Variants in PRMT8 observed in about 807,000 individuals in gnomAD.
The protein encoded by PRMT8 is protein arginine methyltransferase 8, also known as protein arginine N-methyltransferase 8.
In PRMT8, 7 loss-of-function variants were observed where a neutral mutation model predicts 47.1. That is an observed-to-expected ratio of 0.15 (90% CI 0.08 to 0.28). The LOEUF is 0.28. PRMT8 is among the 10% of genes least tolerant of loss of function. The pLI is 1.00. For synonymous variants in PRMT8, 188 were observed against 186.5 expected (o/e 1.01, Z -0.07); for missense variants, 237 against 505.4 (o/e 0.47, Z 5.09).
intron 1 of PRMT8, among the ~76,000 whole-genome samples, chr12:3,397,477 G>C (rs532994915): frequency 6.6e-6 from 1 of 150,544 alleles, no homozygotes; most frequent in East Asian, 2.0e-4. Context: ...GCCCTGTGAG[G>C]TGTCAGTCTG....
intron 1 of PRMT8, among the ~76,000 whole-genome samples, chr12:3,433,231 C>T (rs1233156935): frequency 6.6e-6 from 1 of 152,196 alleles, no homozygotes; most frequent in Non-Finnish European, 1.5e-5. Context: ...AGTTAGCCTC[C>T]TGTGAATTCA....
intron 1 of PRMT8, among the ~76,000 whole-genome samples, chr12:3,386,511 A>T (rs950176224): frequency 7.2e-5 from 11 of 152,138 alleles, no homozygotes; most frequent in Non-Finnish European, 1.6e-4. Flanking sequence ...GCCATGTGGA[A>T]TTGGTCATTC....
chr12:3,589,948 G>T (rs1473450180), intron 8 of PRMT8, among the ~76,000 whole-genome samples: 1 of 152,178 alleles, frequency 6.6e-6, no homozygotes, highest in African/African-American at 2.4e-5. Flanking sequence ...GGAAGTGGGG[G>T]CGAGAGTGCT....
rs1287578490 is a variant in PRMT8 at position 3,580,897 on chromosome 12, G to A, written c.829-2161G>A. 6.6e-6 allele frequency among the ~76,000 whole-genome samples: 1 copy of A among 152,216 alleles called. No individual in the cohort carries two copies. The highest frequency in any genetic ancestry group is 1.5e-5 in the Non-Finnish European group (1 of 68,038). On this transcript the variant is annotated intron_variant, in intron 7 of 9. Coordinates refer to ENST00000382622, the MANE Select transcript of PRMT8 (RefSeq NM_019854.5). This position sits in a 1 kb window ranked among gnomAD's most constrained non-coding sequence, Gnocchi z 4.6. ...AGAGTTTTTGAGCTGGAGGACACCT[G>A]TGGACAGCATGTGGCCATGTGGCTG...
At chr12:3,446,381 C>A (rs4766121) in intron 1 of PRMT8, among the ~76,000 whole-genome samples, 1 of 151,764 alleles carries the variant, frequency 6.6e-6, no homozygotes, top group Non-Finnish European at 1.5e-5. Context: ...TACTGTGAGC[C>A]GGCTCTCTCT....
intron 1 of PRMT8, among the ~76,000 whole-genome samples, chr12:3,459,823 T>C (rs1226907427): frequency 6.6e-6 from 1 of 152,150 alleles, no homozygotes; most frequent in Non-Finnish European, 1.5e-5. Context: ...CTCTTTCTCA[T>C]GGTGGAGGCA....
chr12:3,389,317 G>A (rs1565396223), intron 1 of PRMT8, among the ~76,000 whole-genome samples: 3 of 152,180 alleles, frequency 2.0e-5, no homozygotes, highest in Admixed American at 1.3e-4. Flanking sequence ...ATCTGGGGCT[G>A]GAACGACAGA....
Position 3,515,877 on chromosome 12 carries a change from C to T in PRMT8, c.75+24177C>T, listed in dbSNP as rs144378794. On this transcript the variant is annotated intron_variant, in intron 1 of 9. Coordinates refer to ENST00000382622, the MANE Select transcript of PRMT8 (RefSeq NM_019854.5). ...TGTGGCCAGCCAGAAGCCCAGGCTT[C>T]CCTGGTGGTTGGTTTCTCAGGTCTG... Among the ~76,000 whole-genome samples, 8 of 152,354 alleles carry T rather than the reference C, an allele frequency of 5.3e-5. No homozygotes were observed. In the South Asian group the frequency reaches 1.4e-3, roughly 28 times the overall value.
intron 1 of PRMT8, among the ~76,000 whole-genome samples, chr12:3,387,870 A>G (rs1174988439): frequency 1.3e-5 from 2 of 152,220 alleles, no homozygotes; most frequent in Non-Finnish European, 2.9e-5. Flanking sequence ...TAGCTCCTAA[A>G]TATTCCAGCA....
chr12:3,405,163 C>G (rs1864360036), intron 1 of PRMT8, among the ~76,000 whole-genome samples: 1 of 152,132 alleles, frequency 6.6e-6, no homozygotes, highest in Non-Finnish European at 1.5e-5. Flanking sequence ...GCAAACATGT[C>G]CTTCTTCACA....
At chr12:3,437,257 T>C (rs1475331134) in intron 1 of PRMT8, among the ~76,000 whole-genome samples, 4 of 152,140 alleles carry the variant, frequency 2.6e-5, no homozygotes, top group African/African-American at 9.7e-5. Flanking sequence ...CCATATGACA[T>C]AGAAAGTTTC....
chr12:3,432,261 G>A (rs899511679), intron 1 of PRMT8, among the ~76,000 whole-genome samples: 1 of 152,110 alleles, frequency 6.6e-6, no homozygotes, highest in African/African-American at 2.4e-5. Context: ...GCTTTTTTTG[G>A]TTTCACTTTC....
intron 1 of PRMT8, among the ~76,000 whole-genome samples, chr12:3,473,053 A>G (rs1327164846): frequency 6.6e-6 from 1 of 152,228 alleles, no homozygotes; most frequent in Non-Finnish European, 1.5e-5. Context: ...GGCGCTTTCA[A>G]TGGAATTATA....
intron 8 of PRMT8, among the ~76,000 whole-genome samples, chr12:3,587,199 T>C (rs1029454883): frequency 2.0e-5 from 3 of 148,242 alleles, no homozygotes; most frequent in Admixed American, 6.8e-5. Flanking sequence ...TTATATTATA[T>C]ATTAATATAA....
At position 3,583,441 on chromosome 12, in the gene PRMT8, G is replaced by A. The variant is rs1163159018; in HGVS notation, c.979+233G>A. On this transcript the variant is annotated intron_variant, in intron 8 of 9. Coordinates refer to ENST00000382622, the MANE Select transcript of PRMT8 (RefSeq NM_019854.5). This position sits in a 1 kb window ranked among gnomAD's most constrained non-coding sequence, Gnocchi z 4.7. Reference sequence around the variant, plus strand: ...AGCACAAGTTGAGAGTGTGTTGGATGAGGGAGAGGCAGGAGGTAGGGCTCA... The same window carrying A: ...AGCACAAGTTGAGAGTGTGTTGGATAAGGGAGAGGCAGGAGGTAGGGCTCA... Among the ~76,000 whole-genome samples the A allele has an allele frequency of 6.6e-6, 1 of 152,220 alleles. No homozygotes were observed. The highest frequency in any genetic ancestry group is 2.4e-5 in the African/African-American group (1 of 41,456).
At position 3,552,479 on chromosome 12, in the gene PRMT8, C is replaced by T. The variant is rs1369336828; in HGVS notation, c.418-1172C>T. ...CATAAATCCAGGCCTGGCTCCGGGT[C>T]GCATGCTCCTCATCACTCAACATGG... On this transcript the variant is annotated intron_variant, in intron 3 of 9. Coordinates refer to ENST00000382622, the MANE Select transcript of PRMT8 (RefSeq NM_019854.5). This position sits in a 1 kb window ranked among gnomAD's most constrained non-coding sequence, Gnocchi z 4.5. 1.8e-5 allele frequency: 5 copies of T among 270,782 alleles called. No individual in the cohort carries two copies. The highest frequency in any genetic ancestry group is 1.4e-4 in the Admixed American group (3 of 22,182). The allele number at this position is 270,782 out of a possible 1,614,324, so 16.8% of individuals were successfully genotyped here.
intron 1 of PRMT8, among the ~76,000 whole-genome samples, chr12:3,441,684 C>T (rs768498778): frequency 2.2e-4 from 34 of 152,342 alleles, no homozygotes; most frequent in Middle Eastern, 3.4e-3. Context: ...GCACTGCTGA[C>T]GCAGCAGATG....
rs1441872897 is a variant in PRMT8 at position 3,569,323 on chromosome 12, G to C, written c.625-154G>C. ...TCCAAAATAAAAATTGAGCACTGCT[G>C]TCCTAGCCCTCACCCCAGACAAGGT... is the stretch of plus-strand genomic sequence containing the variant. On this transcript the variant is annotated intron_variant, in intron 5 of 9. Transcript: ENST00000382622. This position sits in a 1 kb window ranked among gnomAD's most constrained non-coding sequence, Gnocchi z 8.2. Among the ~76,000 whole-genome samples the C allele has an allele frequency of 6.6e-6, 1 of 152,180 alleles. No individual in the cohort carries two copies. Among genetic ancestry groups the C allele is most frequent in the Non-Finnish European group, 1.5e-5 (1 of 68,042 alleles).
At position 3,492,648 on chromosome 12, in the gene PRMT8, C is replaced by T. The variant is rs532547799; in HGVS notation, c.75+948C>T. Among the ~76,000 whole-genome samples the T allele has an allele frequency of 3.3e-5, 5 of 152,320 alleles. No homozygotes were observed. The highest frequency in any genetic ancestry group is 7.2e-5 in the African/African-American group (3 of 41,580). ...GTGATCCCTCGCCTCCCTCTGACCC[C>T]GCTGTCATTACAACAACCGGACTAT... On this transcript the variant is annotated intron_variant, in intron 1 of 9. Transcript: ENST00000382622. The surrounding 1 kb of genome is among the most constrained non-coding windows in gnomAD (Gnocchi z 7.5).
Sources: allele counts gnomAD v4.1 joint callset (sites outside exome capture counted in the v4.1 genomes callset), GRCh38; gene constraint gnomAD v4.1.1; non-coding constraint Gnocchi (gnomAD v3.1); transcripts MANE v1.5; gene names NCBI Gene and HGNC (gene_info 2026-07-23, HGNC 2026-07-21).